Variants in CEP63 observed in about 807,000 individuals in gnomAD.
CEP63 encodes centrosomal protein of 63 kDa.
Under a neutral mutation model 89.1 loss-of-function variants are expected in CEP63, and 84 were observed. That is an observed-to-expected ratio of 0.94 (90% CI 0.79 to 1.13). The LOEUF (loss-of-function observed/expected upper bound fraction) is 1.13, where lower values mean the gene tolerates loss of function less well. Ranked by LOEUF, CEP63 falls within the 50% of genes most tolerant of loss-of-function variation. CEP63 has a pLI of 0.00. For missense variants in CEP63, 838 were observed against 813.3 expected, an observed-to-expected ratio of 1.03 and a Z score of -0.37; for synonymous variants, 267 against 272.5, an observed-to-expected ratio of 0.98 and a Z score of 0.20.
chr3:134,724,945 T>C, the CEP63 span, among the ~76,000 whole-genome samples: 1 of 152,186 alleles, frequency 6.6e-6, no homozygotes, highest in Non-Finnish European at 1.5e-5. Flanking sequence ...AAAAAGCTTT[T>C]CTAAACTCTC....
At chr3:134,635,451 C>T in the CEP63 span, among the ~76,000 whole-genome samples, 11 of 138,040 alleles carry the variant, frequency 8.0e-5, no homozygotes, top group South Asian at 1.9e-3. Context: ...GAGCCGAGAT[C>T]GTGCCACTGC....
downstream of CEP63, among the ~76,000 whole-genome samples, chr3:134,565,986 GA>G (rs917282247): frequency 2.0e-5 from 3 of 152,180 alleles, no homozygotes; most frequent in African/African-American, 7.2e-5. Flanking sequence ...ACTGTTCTGA[GA>G]GGGCCACAAA....
At chr3:134,698,544 C>A in the CEP63 span, among the ~76,000 whole-genome samples, 1 of 152,210 alleles carries the variant, frequency 6.6e-6, no homozygotes, top group African/African-American at 2.4e-5. Flanking sequence ...AGAATGCAGT[C>A]TCTTGCTGGA....
chr3:134,652,637 T>A, the CEP63 span, among the ~76,000 whole-genome samples: 4 of 145,172 alleles, frequency 2.8e-5, no homozygotes, highest in Non-Finnish European at 6.2e-5. Context: ...TGTGTGCAGG[T>A]ACACACACAC....
intron 10 of CEP63, among the ~76,000 whole-genome samples, chr3:134,583,629 G>C (rs868359013): frequency 2.6e-5 from 4 of 152,060 alleles, no homozygotes; most frequent in African/African-American, 9.7e-5. Context: ...CTCCAGCTTT[G>C]TTCTTTTTGC....
chr3:134,575,621 C>A (rs948523661), downstream of CEP63, among the ~76,000 whole-genome samples: 2 of 127,728 alleles, frequency 1.6e-5, no homozygotes, highest in Non-Finnish European at 3.3e-5. Flanking sequence ...TTTTCTCTTT[C>A]TTTCTTTGGA....
chr3:134,566,617 T>C (rs1465260696), downstream of CEP63, among the ~76,000 whole-genome samples: 3 of 152,070 alleles, frequency 2.0e-5, no homozygotes, highest in Non-Finnish European at 4.4e-5. Context: ...AGTTCAAAAA[T>C]GGACAAAAGA....
the CEP63 span, among the ~76,000 whole-genome samples, chr3:134,773,206 T>C: frequency 6.6e-6 from 1 of 152,156 alleles, no homozygotes; most frequent in African/African-American, 2.4e-5. Context: ...AAGATCCTGC[T>C]TCTATTTGCT....
the CEP63 span, among the ~76,000 whole-genome samples, chr3:134,673,927 G>A: frequency 7.9e-5 from 12 of 152,280 alleles, no homozygotes; most frequent in East Asian, 2.3e-3. Context: ...AGGTTTATTT[G>A]GGGGCCCACC....
chr3:134,547,251 A>G, intron 8 of CEP63, 84 bp from the exon 9 acceptor site: 2 of 1,342,060 alleles, frequency 1.5e-6, no homozygotes, highest in South Asian at 1.2e-5. Context: ...GTTACCAAAA[A>G]TGATGGGGAA....
chr3:134,771,431 G>A, the CEP63 span, among the ~76,000 whole-genome samples: 4 of 152,266 alleles, frequency 2.6e-5, no homozygotes, highest in African/African-American at 7.2e-5. Flanking sequence ...ACACTTGGAG[G>A]AGCATCAGAA....
the CEP63 span, among the ~76,000 whole-genome samples, chr3:134,627,296 C>G: frequency 3.2e-4 from 49 of 152,252 alleles, no homozygotes; most frequent in African/African-American, 1.1e-3. Flanking sequence ...TAGATGACAT[C>G]TGGTCTACTG....
At chr3:134,647,818 A>G in the CEP63 span, among the ~76,000 whole-genome samples, 1 of 152,192 alleles carries the variant, frequency 6.6e-6, no homozygotes, top group African/African-American at 2.4e-5. Flanking sequence ...TTTAGAAGTC[A>G]TTTGCTATCC....
intron 3 of CEP63, among the ~76,000 whole-genome samples, chr3:134,522,537 G>A (rs997813767): frequency 1.3e-5 from 2 of 152,028 alleles, no homozygotes; most frequent in Admixed American, 1.3e-4. Context: ...CTTGTGTCGT[G>A]GGGGTTTATT....
the CEP63 span, among the ~76,000 whole-genome samples, chr3:134,595,775 T>C: frequency 6.6e-6 from 1 of 152,198 alleles, no homozygotes; most frequent in African/African-American, 2.4e-5. Flanking sequence ...TTCGTGGTGC[T>C]TTGTCTTTTT....
At chr3:134,535,905 TG>T (rs1950682218) in intron 5 of CEP63, 1 of 152,240 alleles carries the variant, frequency 6.6e-6, no homozygotes, top group South Asian at 2.1e-4. Flanking sequence ...CTTAAAAATC[TG>T]TTATCCTAAT....
At chr3:134,668,030 G>A in the CEP63 span, among the ~76,000 whole-genome samples, 91,250 of 152,092 alleles carry the variant, frequency 0.6, 28,608 homozygotes, top group East Asian at 0.88. Flanking sequence ...CTGGTGACAC[G>A]TCCTGGGAGG....
the CEP63 span, among the ~76,000 whole-genome samples, chr3:134,683,816 TC>T: frequency 6.6e-6 from 1 of 152,034 alleles, no homozygotes; most frequent in East Asian, 1.9e-4. Context: ...CAAAAGATCC[TC>T]CCCCTTCCCA....
the CEP63 span, among the ~76,000 whole-genome samples, chr3:134,753,742 CT>C: frequency 6.6e-6 from 1 of 152,200 alleles, no homozygotes; most frequent in Admixed American, 6.5e-5. Flanking sequence ...GACGCATGCA[CT>C]TTTTCAAATG....
Sources: allele counts gnomAD v4.1 joint callset (sites outside exome capture counted in the v4.1 genomes callset), GRCh38; gene constraint gnomAD v4.1.1; transcripts MANE v1.5; gene names NCBI Gene and HGNC (gene_info 2026-07-23, HGNC 2026-07-21).